CCDC102A: variants seen among roughly 807,000 people sequenced by gnomAD.
CCDC102A encodes coiled-coil domain containing 102A, also known as coiled-coil domain-containing protein 102A.
In CCDC102A, 40 loss-of-function variants were observed where a neutral mutation model predicts 55.5. That is an observed-to-expected ratio of 0.72 (90% CI 0.56 to 0.94). The LOEUF is 0.94. CCDC102A is among the 40% of genes least tolerant of loss of function. The pLI is 0.00. For missense variants in CCDC102A, 779 were observed against 768.6 expected (o/e 1.01, Z -0.16); for synonymous variants, 323 against 339.0 (o/e 0.95, Z 0.52).
At chr16:57,528,032 C>G (rs1450117794) in intron 2 of CCDC102A, among the ~76,000 whole-genome samples, 1 of 152,200 alleles carries the variant, frequency 6.6e-6, no homozygotes, top group African/African-American at 2.4e-5. Context: ...ACTGCAACCT[C>G]GACTTCCTGG....
rs1487647463 is a variant in CCDC102A, at chr16:57,526,047, A to G, written c.666T>C (p.Ala222=). Residue 222 remains alanine, a synonymous_variant, in exon 3 of 9, where the codon GCT becomes GCC. Coordinates refer to ENST00000258214, the MANE Select transcript of CCDC102A (RefSeq NM_033212.4). ...EDCWEARSLG[A]GGPRGSSGRQ... Reference sequence around the variant, plus strand: ...GGCCTGAGCTGCCCCGCGGGCCCCCAGCCCCCAGGCTGCGCGCCTCCCAGC... The same window carrying G: ...GGCCTGAGCTGCCCCGCGGGCCCCCGGCCCCCAGGCTGCGCGCCTCCCAGC... 1.9e-6 allele frequency: 3 copies of G among 1,595,154 alleles called. No homozygotes were observed. The highest frequency in any genetic ancestry group is 2.6e-6 in the Non-Finnish European group (3 of 1,173,328).
chr16:57,512,539 T>C lies in CCDC102A; in HGVS notation c.*202A>G. 1.7e-6 allele frequency: 1 copy of C among 598,672 alleles called. No homozygotes were observed. Among genetic ancestry groups the C allele is most frequent in the Non-Finnish European group, 2.9e-6 (1 of 348,076 alleles). The allele number at this position is 598,672 out of a possible 1,614,324, so 37.1% of individuals were successfully genotyped here. A position where few individuals can be genotyped will look rare whatever the true frequency, so the allele number is the denominator to read the frequency against. On this transcript the variant is annotated 3_prime_UTR_variant, in exon 9 of 9. Coordinates refer to ENST00000258214, the MANE Select transcript of CCDC102A (RefSeq NM_033212.4). ...GCGCGCGCGCGCGCGCGTGTGTGTATATATATATATAAAACATAGGCTTCC... is the reference window on the plus strand; with the variant it reads ...GCGCGCGCGCGCGCGCGTGTGTGTACATATATATATAAAACATAGGCTTCC...
At chr16:57,531,236 G>A (rs151254322) in intron 1 of CCDC102A, among the ~76,000 whole-genome samples, 25 of 151,622 alleles carry the variant, frequency 1.6e-4, no homozygotes, top group Admixed American at 6.6e-4. Flanking sequence ...CATTCCCCCC[G>A]TGACCAGCTC....
chr16:57,527,414 G>T (rs2146710794), intron 2 of CCDC102A, among the ~76,000 whole-genome samples: 1 of 117,632 alleles, frequency 8.5e-6, no homozygotes, highest in East Asian at 2.0e-4. Flanking sequence ...AGACATTGCT[G>T]CTGCTTTTTT....
At chr16:57,524,137 A>G (rs1245259857) in intron 3 of CCDC102A, among the ~76,000 whole-genome samples, 1 of 151,966 alleles carries the variant, frequency 6.6e-6, no homozygotes, top group Non-Finnish European at 1.5e-5. Context: ...TATCTGCAGA[A>G]ACATGTGTTC....
At position 57,518,730 on chromosome 16, in the gene CCDC102A, C is replaced by T. The variant is rs2032000315; in HGVS notation, c.933G>A (p.Leu311=). The part of the protein sequence containing the change: ...KQEMLKQLSI[L]KEAHQDELGR... ...CCAGCTCGTCCTGGTGCGCCTCCTTCAGGATGCTGAGCTGCAGGGATAAGG... is the reference window on the plus strand; with the variant it reads ...CCAGCTCGTCCTGGTGCGCCTCCTTTAGGATGCTGAGCTGCAGGGATAAGG... Residue 311 remains leucine (L), a synonymous_variant, in exon 5 of 9, where the codon CTG becomes CTA. Transcript: ENST00000258214. 2 of 1,604,810 alleles carry T rather than the reference C, an allele frequency of 1.2e-6. No homozygotes were observed. Among genetic ancestry groups the T allele is most frequent in the Non-Finnish European group, 1.7e-6 (2 of 1,175,572 alleles).
chr16:57,513,588 C>G (rs180835070), intron 8 of CCDC102A, among the ~76,000 whole-genome samples: 113 of 152,336 alleles, frequency 7.4e-4, no homozygotes, highest in African/African-American at 2.6e-3. Flanking sequence ...GCCCCACCCT[C>G]CCCGATGGAA....
At chr16:57,530,504 C>T (rs2032236745) in intron 1 of CCDC102A, among the ~76,000 whole-genome samples, 1 of 152,180 alleles carries the variant, frequency 6.6e-6, no homozygotes, top group Non-Finnish European at 1.5e-5. Context: ...TCGGCACTGG[C>T]TGTCCCCAAG....
intron 1 of CCDC102A, among the ~76,000 whole-genome samples, chr16:57,533,720 A>G (rs1318303645): frequency 2.7e-5 from 4 of 150,700 alleles, no homozygotes; most frequent in African/African-American, 7.4e-5. Flanking sequence ...AGCCCCGGTA[A>G]TGCACAGACT....
At chr16:57,525,302 T>C (rs1399830996) in intron 3 of CCDC102A, among the ~76,000 whole-genome samples, 7 of 152,132 alleles carry the variant, frequency 4.6e-5, no homozygotes, top group African/African-American at 1.4e-4. Context: ...CAATTCACCA[T>C]GTTGGTCAGG....
rs2032218410 is a variant in CCDC102A, at chr16:57,529,685, G to A, written c.-147-361C>T. 6.6e-6 allele frequency among the ~76,000 whole-genome samples: 1 copy of A among 152,262 alleles called. No homozygotes were observed. Among genetic ancestry groups the A allele is most frequent in the African/African-American group, 2.4e-5 (1 of 41,544 alleles). On this transcript the variant is annotated intron_variant, in intron 1 of 8. Coordinates refer to ENST00000258214, the MANE Select transcript of CCDC102A (RefSeq NM_033212.4). This position sits in a 1 kb window ranked among gnomAD's most constrained non-coding sequence, Gnocchi z 4.1. ...AGGAGTCCCCTCCCTGCCTTTTCCT[G>A]CACTGGGCTAACTCTTCTCATATTT...
intron 6 of CCDC102A, among the ~76,000 whole-genome samples, chr16:57,517,522 T>A (rs1315255635): frequency 6.6e-6 from 1 of 152,106 alleles, no homozygotes; most frequent in African/African-American, 2.4e-5. Context: ...TTTTGTATTT[T>A]TAGTAGATAT....
At chr16:57,524,572 G>A (rs1346284486) in intron 3 of CCDC102A, among the ~76,000 whole-genome samples, 1 of 124,086 alleles carries the variant, frequency 8.1e-6, no homozygotes, top group Non-Finnish European at 1.7e-5. Flanking sequence ...GTGAGGCTCT[G>A]TCTAAAAAAA....
chr16:57,536,597 G>C (rs1054664786), upstream of CCDC102A: 1 of 152,122 alleles, frequency 6.6e-6, no homozygotes, highest in Non-Finnish European at 1.5e-5. Context: ...GGCCGAGGGA[G>C]GGCCGCGGAG....
chr16:57,533,447 C>A (rs1256173192), intron 1 of CCDC102A, among the ~76,000 whole-genome samples: 1 of 151,974 alleles, frequency 6.6e-6, no homozygotes, highest in Non-Finnish European at 1.5e-5. Flanking sequence ...CCTGGGGACA[C>A]ACACTCACAT....
Position 57,528,804 on chromosome 16 carries a change from A to T in CCDC102A, c.374T>A (p.Leu125Gln), listed in dbSNP as rs772655958. 2.4e-6 allele frequency: 3 copies of T among 1,229,722 alleles called. No individual in the cohort carries two copies. The highest frequency in any genetic ancestry group is 3.1e-6 in the Non-Finnish European group (3 of 976,538). The allele number at this position is 1,229,722 out of a possible 1,614,324, so 76.2% of individuals were successfully genotyped here. Residue 125 changes from leucine to glutamine, a missense_variant, in exon 2 of 9, where the codon CTG becomes CAG. By Grantham distance (113) the Leu-to-Gln change is moderately radical. Transcript: ENST00000258214. The stretch of plus-strand genomic sequence containing the variant: ...GGTGAGCGCGTCCAGGCGCTGGCGC[A>T]GCTGGCGCACCTCCTCGCGCGCGCG... The part of the protein sequence containing the change: ...RNRAREEVRQ[L>Q]RQRLDALTKE...
rs2032394254 is a variant in CCDC102A, at chr16:57,536,523, C to T, written c.-171G>A. 1 of 152,256 alleles carries T rather than the reference C, an allele frequency of 6.6e-6. No homozygotes were observed. The highest frequency in any genetic ancestry group is 2.1e-4 in the South Asian group (1 of 4,842). 9.4% of individuals were successfully genotyped at this position (152,256 alleles called of 1,614,324 possible). A position where few individuals can be genotyped will look rare whatever the true frequency, so the allele number is the denominator to read the frequency against. On this transcript the variant is annotated 5_prime_UTR_variant, in exon 1 of 9. Transcript: ENST00000258214. The stretch of plus-strand genomic sequence containing the variant: ...ACCTCGGGCCGGGACTTGCGGGCTC[C>T]GTACGTCCCAGCCGCTGCGGCGGGG...
chr16:57,528,884 C>G lies in CCDC102A; in HGVS notation c.294G>C (p.Ser98=). 6 of 1,390,864 alleles carry G rather than the reference C, an allele frequency of 4.3e-6. No homozygotes were observed. The highest frequency in any genetic ancestry group is 5.6e-6 in the Non-Finnish European group (6 of 1,066,750). 86.2% of individuals were successfully genotyped at this position (1,390,864 alleles called of 1,614,324 possible). ...AQMEKTMRRW[S]DCTANWREKW... ...TCTCGCGCCAATTGGCAGTGCAGTC[C>G]GACCACCGGCGCATGGTCTTCTCCA... The change falls in exon 2 of 9, where the codon TCG becomes TCC. Residue 98 remains serine, a synonymous_variant. Coordinates refer to ENST00000258214, the MANE Select transcript of CCDC102A (RefSeq NM_033212.4).
chr16:57,524,301 C>A (rs957517671), intron 3 of CCDC102A, among the ~76,000 whole-genome samples: 1 of 151,900 alleles, frequency 6.6e-6, no homozygotes, highest in Non-Finnish European at 1.5e-5. Flanking sequence ...GCCTGAGGTG[C>A]AGCAGGAGAG....
Sources: gnomAD v4.1 joint callset for allele counts (sites outside exome capture counted in the v4.1 genomes callset) on GRCh38, gnomAD v4.1.1 for gene constraint, Gnocchi (gnomAD v3.1) non-coding constraint, MANE v1.5 for transcripts, NCBI Gene and HGNC (gene_info 2026-07-23, HGNC 2026-07-21) for gene names.